The following KCNJ1 variants were observed in gnomAD, a reference collection of about 807,000 sequenced individuals.
KCNJ1 encodes the protein ATP-sensitive inward rectifier potassium channel 1.
A neutral mutation model predicts 21.9 loss-of-function variants in KCNJ1; 24 were observed. The observed-to-expected ratio is 1.10, with a 90% CI of 0.79 to 1.54. The LOEUF (loss-of-function observed/expected upper bound fraction) is 1.54. Among genes scored for constraint, KCNJ1 ranks in the 40% most tolerant of loss-of-function variants. KCNJ1 has a pLI of 0.00. For synonymous variants in KCNJ1, 152 were observed against 160.9 expected (o/e 0.94, Z 0.42); for missense variants, 457 against 455.4 (o/e 1.00, Z -0.03).
chr11:128,839,222 T>C lies in KCNJ1; in HGVS notation c.1022A>G (p.Tyr341Cys). Residue 341 changes from tyrosine to cysteine, a missense_variant, in exon 3 of 3, where the codon TAT becomes TGT. Physicochemically the swap from Tyr to Cys is radical, Grantham distance 194 (BLOSUM62 -2). Transcript: ENST00000392666. ...VETPHCAMCL[Y>C]NEKDVRARMK... is the part of the protein sequence containing the mutation. The stretch of plus-strand genomic sequence containing the variant: ...CCTGGCTCTAACATCTTTCTCATTA[T>C]AAAGGCACATGGCACAGTGAGGGGT... 2 of 1,614,178 alleles carry C rather than the reference T, an allele frequency of 1.2e-6. No individual in the cohort carries two copies. Among genetic ancestry groups the C allele is most frequent in the Non-Finnish European group, 1.7e-6 (2 of 1,180,022 alleles).
chr11:128,865,019 C>A (rs1943792528), intron 1 of KCNJ1, among the ~76,000 whole-genome samples: 2 of 151,950 alleles, frequency 1.3e-5, no homozygotes, highest in Non-Finnish European at 2.9e-5. Flanking sequence ...CACCCTGCAG[C>A]TTCCCTCACC....
At chr11:128,851,486 A>G (rs1311224111) in intron 1 of KCNJ1, among the ~76,000 whole-genome samples, 1 of 152,220 alleles carries the variant, frequency 6.6e-6, no homozygotes, top group Non-Finnish European at 1.5e-5. Flanking sequence ...TAAATCTGTA[A>G]TGAAACTGTT....
chr11:128,853,935 T>A (rs745585469), intron 1 of KCNJ1, among the ~76,000 whole-genome samples: 20 of 152,230 alleles, frequency 1.3e-4, no homozygotes, highest in Non-Finnish European at 2.5e-4. Flanking sequence ...CCTCTGCTAG[T>A]GTGGGAGATG....
chr11:128,858,216 A>C (rs554768808), intron 1 of KCNJ1, among the ~76,000 whole-genome samples: 34 of 151,770 alleles, frequency 2.2e-4, no homozygotes, highest in African/African-American at 7.3e-4. Context: ...GAGGCAAAGA[A>C]CACTGGCAAG....
At position 128,838,798 on chromosome 11, in the gene KCNJ1, G is replaced by T. The variant is rs1479254713; in HGVS notation, c.*327C>A. 6.9e-6 allele frequency: 2 copies of T among 288,652 alleles called. No homozygotes were observed. Among genetic ancestry groups the T allele is most frequent in the Non-Finnish European group, 1.3e-5 (2 of 153,228 alleles). 17.9% of individuals were successfully genotyped at this position (288,652 alleles called of 1,614,324 possible). ...TTAAGGAAACTTTAAAAAATATTTT[G>T]TTTGGCCTGTTCATGAAACTTTTGA... On this transcript the variant is annotated 3_prime_UTR_variant, in exon 3 of 3. Transcript: ENST00000392666.
chr11:128,856,087 A>C (rs1271944839), intron 1 of KCNJ1, among the ~76,000 whole-genome samples: 1 of 151,466 alleles, frequency 6.6e-6, no homozygotes, highest in Non-Finnish European at 1.5e-5. Context: ...CGGGCGGGAA[A>C]AGACAGCAGG....
chr11:128,864,182 G>A (rs536255619), intron 1 of KCNJ1, among the ~76,000 whole-genome samples: 3 of 146,394 alleles, frequency 2.0e-5, no homozygotes, highest in Admixed American at 6.9e-5. Flanking sequence ...CGCCTCCCGG[G>A]TTCAAGCAAT....
At chr11:128,858,106 G>GA (rs1218375097) in intron 1 of KCNJ1, among the ~76,000 whole-genome samples, 1 of 151,326 alleles carries the variant, frequency 6.6e-6, no homozygotes, top group Non-Finnish European at 1.5e-5. Flanking sequence ...GAGAGATGGG[G>GA]AGGGATGGGG....
At chr11:128,848,532 G>A (rs1213128986) in intron 2 of KCNJ1, among the ~76,000 whole-genome samples, 1 of 152,034 alleles carries the variant, frequency 6.6e-6, no homozygotes, top group African/African-American at 2.4e-5. Context: ...CTTCATAATA[G>A]TTTCTTAAGA....
chr11:128,853,875 G>T lies in KCNJ1; in HGVS notation c.-191-2985C>A, dbSNP rs146831318. On this transcript the variant is annotated intron_variant, in intron 1 of 2. Coordinates refer to ENST00000392666, the MANE Select transcript of KCNJ1 (RefSeq NM_153766.3). ...CAGAATGATTTTCTCTGCCACAAGA[G>T]CTTGGAGTACGGAAAGTATTATTCT... 4.6e-4 allele frequency among the ~76,000 whole-genome samples: 70 copies of T among 152,346 alleles called. 1 individual carries two copies. In the East Asian group the frequency reaches 0.013, roughly 29 times the overall value.
chr11:128,858,046 T>C (rs1943619793), intron 1 of KCNJ1, among the ~76,000 whole-genome samples: 2 of 149,214 alleles, frequency 1.3e-5, no homozygotes, highest in African/African-American at 2.5e-5. Context: ...CTGAAGAAAA[T>C]GTAGATAAAA....
At chr11:128,847,272 C>A (rs561446976) in intron 2 of KCNJ1, among the ~76,000 whole-genome samples, 1 of 152,158 alleles carries the variant, frequency 6.6e-6, no homozygotes, top group Non-Finnish European at 1.5e-5. Flanking sequence ...TTCTCCATAG[C>A]TGCAAAAAGT....
intron 2 of KCNJ1, chr11:128,842,544 A>G: frequency 1.3e-6 from 2 of 1,553,550 alleles, no homozygotes; most frequent in Admixed American, 3.8e-5. Flanking sequence ...TAAACTTGGA[A>G]ACACTTAATT....
chr11:128,850,956 G>T, intron 1 of KCNJ1, 66 bp from the exon 2 acceptor site: 1 of 853,172 alleles, frequency 1.2e-6, no homozygotes, highest in Non-Finnish European at 1.4e-6. Context: ...AGAAGCCAGG[G>T]TGAAACTTCA....
chr11:128,846,574 C>T (rs1029773264), intron 2 of KCNJ1, among the ~76,000 whole-genome samples: 7 of 152,068 alleles, frequency 4.6e-5, no homozygotes, highest in African/African-American at 1.4e-4. Flanking sequence ...CCTCCCAGTG[C>T]GCAACAGAAG....
rs900368126 is a variant in KCNJ1 at position 128,844,049 on chromosome 11, T to G, written c.-21-3785A>C. On this transcript the variant is annotated intron_variant, in intron 2 of 2. Transcript: ENST00000392666. ...CCTGAAGATGAGTTAGAGTCACATATAGTAGAAACTCTATAAATATTTGCT... is the reference window on the plus strand; with the variant it reads ...CCTGAAGATGAGTTAGAGTCACATAGAGTAGAAACTCTATAAATATTTGCT... Among the ~76,000 whole-genome samples, 4 of 152,244 alleles carry G rather than the reference T, an allele frequency of 2.6e-5. No homozygotes were observed. The South Asian group carries it at 8.3e-4, about 32-fold the overall frequency.
At chr11:128,861,224 T>A (rs999471027) in intron 1 of KCNJ1, among the ~76,000 whole-genome samples, 8 of 152,220 alleles carry the variant, frequency 5.3e-5, no homozygotes, top group Non-Finnish European at 1.2e-4. Flanking sequence ...GAAACTCTGG[T>A]GCCGCCAGCT....
At chr11:128,863,732 C>T (rs1943759759) in intron 1 of KCNJ1, among the ~76,000 whole-genome samples, 1 of 152,162 alleles carries the variant, frequency 6.6e-6, no homozygotes, top group Admixed American at 6.5e-5. Context: ...ACCTTAATAA[C>T]AGTTTTTGAG....
rs543304151 is a variant in KCNJ1, at chr11:128,838,366, T to G, written c.*759A>C. 2 of 152,512 alleles carry G rather than the reference T, an allele frequency of 1.3e-5. No individual in the cohort carries two copies. The highest frequency in any genetic ancestry group is 1.3e-4 in the Admixed American group (2 of 15,310). 9.4% of individuals were successfully genotyped at this position (152,512 alleles called of 1,614,324 possible). ...TCTTCTCAGGTGCATTAATGATACA[T>G]TCCCTTCTCTACTGACTTTGCACCT... On this transcript the variant is annotated 3_prime_UTR_variant, in exon 3 of 3. Coordinates refer to ENST00000392666, the MANE Select transcript of KCNJ1 (RefSeq NM_153766.3).
Sources: gnomAD v4.1 joint callset for allele counts (sites outside exome capture counted in the v4.1 genomes callset) on GRCh38, gnomAD v4.1.1 for gene constraint, MANE v1.5 for transcripts, NCBI Gene and HGNC (gene_info 2026-07-23, HGNC 2026-07-21) for gene names.